The following NCKAP5 variants were observed in gnomAD, a reference collection of about 807,000 sequenced individuals.
The protein encoded by NCKAP5 is nck-associated protein 5.
In NCKAP5, 92 loss-of-function variants were observed where a neutral mutation model predicts 167.0. That is an observed-to-expected ratio of 0.55 (90% CI 0.47 to 0.66). NCKAP5 has a LOEUF of 0.66. Among genes scored for constraint, NCKAP5 ranks in the 30% least tolerant of loss-of-function variants. NCKAP5 has a pLI of 0.00. For synonymous variants in NCKAP5, 891 were observed against 877.4 expected (o/e 1.02, Z -0.27); for missense variants, 2,378 against 2,315.0 (o/e 1.03, Z -0.56).
chr2:133,271,762 T>C (rs2089521535), intron 4 of NCKAP5, among the ~76,000 whole-genome samples: 1 of 152,158 alleles, frequency 6.6e-6, no homozygotes, highest in African/African-American at 2.4e-5. Context: ...CAAATAAGAC[T>C]GGTATTAGCT....
chr2:132,899,537 T>G (rs1210383811), intron 8 of NCKAP5, among the ~76,000 whole-genome samples: 1 of 152,278 alleles, frequency 6.6e-6, no homozygotes, highest in Admixed American at 6.5e-5. Flanking sequence ...GCTTTTGACA[T>G]GTCTTCCTCA....
At chr2:133,083,970 C>A (rs1192792867) in intron 6 of NCKAP5, among the ~76,000 whole-genome samples, 1 of 152,138 alleles carries the variant, frequency 6.6e-6, no homozygotes, top group Non-Finnish European at 1.5e-5. Context: ...TCTTGTGTAA[C>A]TGCCTGGAGG....
At chr2:133,521,316 T>C (rs1684455418) in intron 2 of NCKAP5, among the ~76,000 whole-genome samples, 2 of 152,352 alleles carry the variant, frequency 1.3e-5, no homozygotes, top group South Asian at 4.1e-4. Flanking sequence ...TCCTATGCAG[T>C]ATCACTTATA....
At chr2:133,666,111 T>G in the NCKAP5 span, among the ~76,000 whole-genome samples, 1 of 151,488 alleles carries the variant, frequency 6.6e-6, no homozygotes, top group South Asian at 2.1e-4. Flanking sequence ...AATGAATTCC[T>G]AATTCACTTA....
intron 5 of NCKAP5, among the ~76,000 whole-genome samples, chr2:133,132,517 A>AC (rs70973412): frequency 6.5e-4 from 72 of 110,922 alleles, no homozygotes; most frequent in African/African-American, 2.6e-3. Context: ...ACACACACAC[A>AC]AACCCTGATA....
chr2:133,297,884 A>ATATAAAAT (rs1680079253), intron 4 of NCKAP5, among the ~76,000 whole-genome samples: 1 of 152,228 alleles, frequency 6.6e-6, no homozygotes, highest in South Asian at 2.1e-4. Flanking sequence ...AATCAAAGGC[A>ATATAAAAT]TATAAAATCA....
At chr2:133,049,274 G>A (rs1008058624) in intron 6 of NCKAP5, among the ~76,000 whole-genome samples, 1 of 152,124 alleles carries the variant, frequency 6.6e-6, no homozygotes, top group Non-Finnish European at 1.5e-5. Context: ...GCCTGGGCAC[G>A]GTGGCTCACA....
chr2:133,591,451 C>A, the NCKAP5 span, among the ~76,000 whole-genome samples: 1 of 152,184 alleles, frequency 6.6e-6, no homozygotes, highest in Non-Finnish European at 1.5e-5. Flanking sequence ...AACACAGACC[C>A]ACGTGTTTCC....
intron 2 of NCKAP5, among the ~76,000 whole-genome samples, chr2:133,547,243 G>T (rs1033234365): frequency 2.6e-5 from 4 of 152,076 alleles, no homozygotes; most frequent in South Asian, 2.1e-4. Flanking sequence ...ACGGAGTCTC[G>T]CTGACTGCTA....
intron 7 of NCKAP5, among the ~76,000 whole-genome samples, chr2:132,965,624 TAC>T (rs2076636865): frequency 6.6e-6 from 1 of 152,136 alleles, no homozygotes; most frequent in South Asian, 2.1e-4. Context: ...CATACACATA[TAC>T]ACAGTCACAC....
At chr2:132,806,175 A>G (rs1262481210) in intron 11 of NCKAP5, among the ~76,000 whole-genome samples, 1 of 152,130 alleles carries the variant, frequency 6.6e-6, no homozygotes, top group Non-Finnish European at 1.5e-5. Flanking sequence ...CCACTCATTG[A>G]CTGATGGGCA....
In NCKAP5 at chr2:132,925,698, C is replaced by A. The variant is rs532037265; in HGVS notation, c.579+38022G>T. ...GTGCAGCCTGGTTTCTAACAGCCCA[C>A]AGAGAGATAACAGGTCTGTGGCCTG... is the stretch of plus-strand genomic sequence containing the variant. On this transcript the variant is annotated intron_variant, in intron 8 of 19. Transcript: ENST00000409261. Among the ~76,000 whole-genome samples the A allele has an allele frequency of 8.5e-5, 13 of 152,126 alleles. No homozygotes were observed. In the East Asian group the frequency reaches 2.5e-3, roughly 29 times the overall value.
chr2:133,616,438 A>T, the NCKAP5 span, among the ~76,000 whole-genome samples: 6 of 151,986 alleles, frequency 3.9e-5, no homozygotes, highest in Non-Finnish European at 5.9e-5. Context: ...GAGAAGAATC[A>T]AATAGATGCA....
At chr2:132,742,516 T>A (rs1182270004) in intron 16 of NCKAP5, among the ~76,000 whole-genome samples, 1 of 151,974 alleles carries the variant, frequency 6.6e-6, no homozygotes, top group Non-Finnish European at 1.5e-5. Context: ...CTAACTTTTT[T>A]AAATTAAAAA....
At chr2:133,155,100 AC>A (rs2083524781) in intron 5 of NCKAP5, among the ~76,000 whole-genome samples, 1 of 151,880 alleles carries the variant, frequency 6.6e-6, no homozygotes. Flanking sequence ...GCTTTTCCTG[AC>A]CCTTCTCTAC....
chr2:133,478,140 A>C (rs1200563253), intron 3 of NCKAP5, among the ~76,000 whole-genome samples: 1 of 152,218 alleles, frequency 6.6e-6, no homozygotes, highest in Non-Finnish European at 1.5e-5. Context: ...CTAAATCTTC[A>C]AAATCTGGTT....
intron 3 of NCKAP5, among the ~76,000 whole-genome samples, chr2:133,428,549 A>T (rs1006111133): frequency 1.3e-5 from 2 of 152,182 alleles, no homozygotes; most frequent in African/African-American, 4.8e-5. Context: ...CAATATATTA[A>T]ATTACTTTTA....
chr2:133,209,988 A>G (rs2086132194), intron 5 of NCKAP5, among the ~76,000 whole-genome samples: 1 of 151,952 alleles, frequency 6.6e-6, no homozygotes, highest in African/African-American at 2.4e-5. Flanking sequence ...AACTTAGTGA[A>G]ACCCCATCAC....
chr2:133,304,860 T>G (rs1021925537), intron 3 of NCKAP5, among the ~76,000 whole-genome samples: 1 of 152,190 alleles, frequency 6.6e-6, no homozygotes, highest in Non-Finnish European at 1.5e-5. Context: ...ATTCGTTTCA[T>G]GTTGGTTACG....
Sources: allele counts gnomAD v4.1 joint callset (sites outside exome capture counted in the v4.1 genomes callset), GRCh38; gene constraint gnomAD v4.1.1; transcripts MANE v1.5; gene names NCBI Gene and HGNC (gene_info 2026-07-23, HGNC 2026-07-21).